The following CFAP20DC variants were observed in gnomAD, a reference collection of about 807,000 sequenced individuals.
CFAP20DC encodes the protein CFAP20 domain containing.
Under a neutral mutation model 101.7 loss-of-function variants are expected in CFAP20DC, and 84 were observed. The ratio of observed to expected loss-of-function variants is 0.83; its 90% CI spans 0.69 to 0.99. CFAP20DC has a LOEUF of 0.99. Ranked by LOEUF, CFAP20DC falls within the 50% of genes least tolerant of loss-of-function variation. The probability of loss-of-function intolerance (pLI) is 0.00; values close to 1 mark genes in which losing one functional copy is unlikely to be tolerated. For missense variants in CFAP20DC, 1,007 were observed against 970.3 expected (o/e 1.04, Z -0.50); for synonymous variants, 359 against 351.2 (o/e 1.02, Z -0.25).
At chr3:58,937,906 C>G (rs1486662371) in intron 4 of CFAP20DC, 144 bp from the exon 5 acceptor site, 6 of 630,038 alleles carry the variant, frequency 9.5e-6, no homozygotes, top group Admixed American at 3.0e-5. Context: ...TTGCCTTTTT[C>G]TTTCAAGAAG....
At chr3:58,784,041 G>T (rs1240206002) in intron 15 of CFAP20DC, among the ~76,000 whole-genome samples, 4 of 147,652 alleles carry the variant, frequency 2.7e-5, no homozygotes, top group Non-Finnish European at 5.9e-5. Flanking sequence ...TGTTTCTATT[G>T]TTGCCATTTT....
At chr3:58,903,789 T>G (rs555694875) in intron 6 of CFAP20DC, among the ~76,000 whole-genome samples, 2 of 152,210 alleles carry the variant, frequency 1.3e-5, no homozygotes, top group Non-Finnish European at 2.9e-5. Flanking sequence ...CAACTCAAGA[T>G]GAGATTTGGG....
At position 58,863,049 on chromosome 3, in the gene CFAP20DC, C is replaced by T; in HGVS notation, c.1593+509G>A. ...GGCAAGTCCCAGCACTAATCCACGA[C>T]TCATTATCTAAACTTTAATTGGCAC... On this transcript the variant is annotated intron_variant, in intron 12 of 16. Transcript: ENST00000482387. This position sits in a 1 kb window ranked among gnomAD's most constrained non-coding sequence, Gnocchi z 5.9. 8 of 989,834 alleles carry T rather than the reference C, an allele frequency of 8.1e-6. No homozygotes were observed. Among genetic ancestry groups the T allele is most frequent in the Non-Finnish European group, 9.6e-6 (8 of 833,188 alleles). 61.3% of individuals were successfully genotyped at this position (989,834 alleles called of 1,614,324 possible).
At position 58,850,976 on chromosome 3, in the gene CFAP20DC, G is replaced by C. The variant is rs539692731; in HGVS notation, c.1594-1567C>G. ...AGTGAAGCATGGGTAAAGGTGAGAG[G>C]GTTTGCTCTCAGTTGGGCAGGGGAC... On this transcript the variant is annotated intron_variant, in intron 12 of 16. Transcript: ENST00000482387. Among the ~76,000 whole-genome samples, 5 of 152,174 alleles carry C rather than the reference G, an allele frequency of 3.3e-5. No homozygotes were observed. The South Asian group carries it at 1.0e-3, about 32-fold the overall frequency.
chr3:58,737,361 C>G, downstream of CFAP20DC: 1 of 400,812 alleles, frequency 2.5e-6, no homozygotes, highest in South Asian at 1.8e-5. The surrounding 1 kb of genome is among the most constrained non-coding windows in gnomAD (Gnocchi z 4.1). Flanking sequence ...AACAAGCAAG[C>G]AAGCAAACAA....
rs1471844586 is a variant in CFAP20DC at position 58,795,639 on chromosome 3, T to C, written c.2237+10756A>G. ...GATCCTGTCTTCAAAAAGGAAAACATAGAAAAAGCAAAAGTAATAGCGAAA... is the reference window on the plus strand; with the variant it reads ...GATCCTGTCTTCAAAAAGGAAAACACAGAAAAAGCAAAAGTAATAGCGAAA... On this transcript the variant is annotated intron_variant, in intron 15 of 16. Coordinates refer to ENST00000482387, the MANE Select transcript of CFAP20DC (RefSeq NM_001394063.1). The surrounding 1 kb of genome is among the most constrained non-coding windows in gnomAD (Gnocchi z 4.2). Among the ~76,000 whole-genome samples, 3 of 152,054 alleles carry C rather than the reference T, an allele frequency of 2.0e-5. No homozygotes were observed. Among genetic ancestry groups the C allele is most frequent in the South Asian group, 2.1e-4 (1 of 4,820 alleles).
chr3:58,931,919 A>T (rs1338712414), intron 5 of CFAP20DC, among the ~76,000 whole-genome samples: 1 of 152,250 alleles, frequency 6.6e-6, no homozygotes, highest in African/African-American at 2.4e-5. Flanking sequence ...ACAAAGCTGG[A>T]CGGAGAATGA....
intron 7 of CFAP20DC, among the ~76,000 whole-genome samples, chr3:58,875,060 T>C (rs1180532013): frequency 6.6e-6 from 1 of 152,244 alleles, no homozygotes; most frequent in Admixed American, 6.5e-5. Flanking sequence ...TAGGCAGGTC[T>C]GGGCAACTCC....
chr3:58,807,611 TG>T (rs1220098269), intron 14 of CFAP20DC, among the ~76,000 whole-genome samples: 1 of 151,936 alleles, frequency 6.6e-6, no homozygotes. Flanking sequence ...ACCACAAAGA[TG>T]GGGAAAAAAC....
intron 7 of CFAP20DC, among the ~76,000 whole-genome samples, chr3:58,876,574 C>T (rs1331881766): frequency 6.6e-6 from 1 of 152,056 alleles, no homozygotes; most frequent in East Asian, 1.9e-4. Context: ...GAGATGTTAC[C>T]ACTAATTATT....
intron 5 of CFAP20DC, among the ~76,000 whole-genome samples, chr3:58,920,115 C>T (rs1264250346): frequency 1.9e-5 from 2 of 105,140 alleles, no homozygotes; most frequent in Admixed American, 3.0e-4. Flanking sequence ...GGGCTTTGCT[C>T]TGTAGCCCAG....
In CFAP20DC at chr3:58,845,155, C is replaced by G. The variant is rs1219208632; in HGVS notation, c.1971+3877G>C. On this transcript the variant is annotated intron_variant, in intron 13 of 16. Coordinates refer to ENST00000482387, the MANE Select transcript of CFAP20DC (RefSeq NM_001394063.1). The stretch of plus-strand genomic sequence containing the variant: ...AAAGCTAGCAGAAGGCGAGAAATAA[C>G]TAAAATCAGAGCAGAACTGAAGGAA... 5.4e-4 allele frequency among the ~76,000 whole-genome samples: 81 copies of G among 151,132 alleles called. No individual in the cohort carries two copies. In the East Asian group the frequency reaches 0.015, roughly 28 times the overall value.
At position 58,912,890 on chromosome 3, in the gene CFAP20DC, T is replaced by C. The variant is rs1216310660; in HGVS notation, c.550+818A>G. On this transcript the variant is annotated intron_variant, in intron 6 of 16. Coordinates refer to ENST00000482387, the MANE Select transcript of CFAP20DC (RefSeq NM_001394063.1). This position sits in a 1 kb window ranked among gnomAD's most constrained non-coding sequence, Gnocchi z 4.4. ...ATTTCTCCCAAATGACTTCCTGAAATGTACACAGAGTAATAAGACAGCATA... is the reference window on the plus strand; with the variant it reads ...ATTTCTCCCAAATGACTTCCTGAAACGTACACAGAGTAATAAGACAGCATA... The C allele has an allele frequency of 1.8e-5, 7 of 388,396 alleles. No individual in the cohort carries two copies. The highest frequency in any genetic ancestry group is 3.0e-5 in the Non-Finnish European group (6 of 199,116). 24.1% of individuals were successfully genotyped at this position (388,396 alleles called of 1,614,324 possible).
In CFAP20DC at chr3:58,849,203, C is replaced by T; in HGVS notation, c.1800G>A (p.Leu600=). 3 of 1,536,076 alleles carry T rather than the reference C, an allele frequency of 2.0e-6. No homozygotes were observed. Among genetic ancestry groups the T allele is most frequent in the Non-Finnish European group, 2.6e-6 (3 of 1,146,886 alleles). ...IDRNNFEMSL[L]PTTCLSPTGR... ...CAGTTGGAGAAAGGCATGTTGTAGG[C>T]AACAAACTCATTTCAAAGTTATTTC... is the stretch of plus-strand genomic sequence containing the variant. Residue 600 remains leucine (L), a synonymous_variant, in exon 13 of 17, where the codon TTG becomes TTA. Transcript: ENST00000482387.
At chr3:58,716,663 G>T (rs1053621922), downstream of CFAP20DC, among the ~76,000 whole-genome samples, 5 of 152,220 alleles carry the variant, frequency 3.3e-5, no homozygotes, top group African/African-American at 1.2e-4. Context: ...TCCTATGGGG[G>T]TCTGCTAAAG....
At chr3:58,934,861 A>C (rs1027314672) in intron 5 of CFAP20DC, among the ~76,000 whole-genome samples, 1 of 152,224 alleles carries the variant, frequency 6.6e-6, no homozygotes, top group Non-Finnish European at 1.5e-5. Flanking sequence ...GAAAACTGGC[A>C]CAAGACAGGG....
At chr3:58,911,694 A>G (rs1256117710) in intron 6 of CFAP20DC, among the ~76,000 whole-genome samples, 1 of 152,182 alleles carries the variant, frequency 6.6e-6, no homozygotes, top group Non-Finnish European at 1.5e-5. Context: ...GCAGTATCTT[A>G]ACTCTGAAAA....
chr3:59,040,580 A>T (rs951364929), intron 3 of CFAP20DC, among the ~76,000 whole-genome samples: 2 of 152,010 alleles, frequency 1.3e-5, no homozygotes, highest in African/African-American at 4.8e-5. Context: ...ACAGACCAAC[A>T]CGTGGATTAA....
At chr3:58,853,987 C>T (rs1274422914) in intron 12 of CFAP20DC, among the ~76,000 whole-genome samples, 1 of 151,806 alleles carries the variant, frequency 6.6e-6, no homozygotes, top group East Asian at 1.9e-4. Context: ...CTGGCCAGGG[C>T]AATGAGGCAG....
Sources: gnomAD v4.1 joint callset for allele counts (sites outside exome capture counted in the v4.1 genomes callset) on GRCh38, gnomAD v4.1.1 for gene constraint, Gnocchi (gnomAD v3.1) non-coding constraint, MANE v1.5 for transcripts, NCBI Gene and HGNC (gene_info 2026-07-23, HGNC 2026-07-21) for gene names.